CDH13: variants seen among roughly 807,000 people sequenced by gnomAD.
CDH13 encodes the protein cadherin-13.
Under a neutral mutation model 63.8 loss-of-function variants are expected in CDH13, and 24 were observed. The observed-to-expected ratio is 0.38, with a 90% CI of 0.27 to 0.53. CDH13 has a LOEUF of 0.53. CDH13 is among the 20% of genes least tolerant of loss of function. The pLI is 0.85. For synonymous variants in CDH13, 503 were observed against 355.3 expected, an observed-to-expected ratio of 1.42 and a Z score of -4.67; for missense variants, 1,049 against 903.1, an observed-to-expected ratio of 1.16 and a Z score of -2.07.
At chr16:83,727,138 C>T (rs1417260488) in intron 10 of CDH13, among the ~76,000 whole-genome samples, 2 of 152,098 alleles carry the variant, frequency 1.3e-5, no homozygotes, top group African/African-American at 4.8e-5. Context: ...ACATTTTCAG[C>T]ACCCTAAAGA....
intron 1 of CDH13, among the ~76,000 whole-genome samples, chr16:82,787,659 C>T (rs1281620170): frequency 6.6e-6 from 1 of 152,092 alleles, no homozygotes; most frequent in Non-Finnish European, 1.5e-5. Flanking sequence ...CCTAGGTTGC[C>T]CAGAGAGGTG....
At chr16:82,881,588 G>C (rs1358411155) in intron 2 of CDH13, among the ~76,000 whole-genome samples, 1 of 152,198 alleles carries the variant, frequency 6.6e-6, no homozygotes, top group Non-Finnish European at 1.5e-5. Flanking sequence ...GGTGAAGGCT[G>C]TCTGCAGAAC....
chr16:82,864,485 C>T (rs562874618), intron 2 of CDH13, among the ~76,000 whole-genome samples: 1 of 152,210 alleles, frequency 6.6e-6, no homozygotes, highest in Admixed American at 6.5e-5. Flanking sequence ...GCACCTTCTT[C>T]AGAAGGTGGC....
At chr16:83,373,217 A>G (rs957907862) in intron 6 of CDH13, among the ~76,000 whole-genome samples, 10 of 152,224 alleles carry the variant, frequency 6.6e-5, no homozygotes, top group Non-Finnish European at 1.2e-4. Flanking sequence ...AAACTAGGAC[A>G]GTTGTAGGAG....
chr16:82,792,309 G>T (rs190908430), intron 1 of CDH13, among the ~76,000 whole-genome samples: 10 of 152,146 alleles, frequency 6.6e-5, no homozygotes, highest in African/African-American at 2.4e-4. Context: ...ACCCTTTCTC[G>T]CTTGCTTGGA....
intron 6 of CDH13, among the ~76,000 whole-genome samples, chr16:83,417,521 G>T (rs545220761): frequency 7.2e-5 from 11 of 152,124 alleles, no homozygotes; most frequent in Admixed American, 6.5e-4. Flanking sequence ...AATTTATCCT[G>T]CTCACTGACA....
chr16:83,425,412 A>C (rs1328469041), intron 6 of CDH13, among the ~76,000 whole-genome samples: 1 of 152,244 alleles, frequency 6.6e-6, no homozygotes, highest in Non-Finnish European at 1.5e-5. Flanking sequence ...CCAGCCACTT[A>C]CCTGCTGCGT....
At chr16:83,780,242 T>C in intron 12 of CDH13, 41 bp downstream of exon 12, 2 of 1,336,732 alleles carry the variant, frequency 1.5e-6, no homozygotes, top group Non-Finnish European at 2.1e-6. Flanking sequence ...CTTCCAGCTT[T>C]CAGTTTATTT....
In CDH13 at chr16:83,668,883, T is replaced by G. The variant is rs115294464; in HGVS notation, c.1102-1907T>G. Among the ~76,000 whole-genome samples, 1,224 of 152,322 alleles carry G rather than the reference T, an allele frequency of 8.0e-3. 21 individuals are homozygous for G. Among genetic ancestry groups the G allele is most frequent in the African/African-American group, 0.028 (1,179 of 41,566 alleles). On this transcript the variant is annotated intron_variant, in intron 8 of 13. Transcript: ENST00000567109. ...AGCATTAATTGATCACAGCATTCTTTCCTGCTGAGCCCAGATGTACTGCAG... is the reference window on the plus strand; with the variant it reads ...AGCATTAATTGATCACAGCATTCTTGCCTGCTGAGCCCAGATGTACTGCAG...
At chr16:82,678,923 G>A (rs1914238098) in intron 1 of CDH13, among the ~76,000 whole-genome samples, 1 of 152,148 alleles carries the variant, frequency 6.6e-6, no homozygotes, top group African/African-American at 2.4e-5. Flanking sequence ...GGGACTGTGT[G>A]GTTCCAGGAG....
intron 11 of CDH13, chr16:83,772,916 G>A (rs544992896): frequency 6.6e-6 from 1 of 152,232 alleles, no homozygotes. Flanking sequence ...CTTTATTCAA[G>A]GCTACAATAA....
At chr16:83,418,787 C>G (rs1472010) in intron 6 of CDH13, among the ~76,000 whole-genome samples, 2 of 152,152 alleles carry the variant, frequency 1.3e-5, no homozygotes, top group Non-Finnish European at 2.9e-5. Flanking sequence ...GCAGGAAAGA[C>G]AGGAGAAGAC....
intron 11 of CDH13, among the ~76,000 whole-genome samples, chr16:83,779,406 C>CAAAAAAAA (rs144757645): frequency 1.3e-4 from 11 of 82,574 alleles, no homozygotes; most frequent in South Asian, 4.6e-4. Flanking sequence ...GACTCCATCT[C>CAAAAAAAA]AAAAAAAAAA....
At chr16:83,545,773 G>C (rs796146727) in intron 7 of CDH13, among the ~76,000 whole-genome samples, 4 of 152,194 alleles carry the variant, frequency 2.6e-5, no homozygotes, top group African/African-American at 9.6e-5. Context: ...TATCTGCCAG[G>C]CTAAGTCCAA....
chr16:82,657,608 A>G (rs1242776285), intron 1 of CDH13, among the ~76,000 whole-genome samples: 1 of 152,194 alleles, frequency 6.6e-6, no homozygotes, highest in Non-Finnish European at 1.5e-5. Flanking sequence ...AACCTTGGAG[A>G]AAGAGAGACT....
chr16:82,928,525 T>A (rs2042378167), intron 2 of CDH13, among the ~76,000 whole-genome samples: 1 of 152,246 alleles, frequency 6.6e-6, no homozygotes, highest in African/African-American at 2.4e-5. Context: ...CCTTACTCAA[T>A]ATCTGCCAAT....
chr16:83,463,416 C>G (rs954254561), intron 6 of CDH13, among the ~76,000 whole-genome samples: 1 of 152,184 alleles, frequency 6.6e-6, no homozygotes, highest in Non-Finnish European at 1.5e-5. Flanking sequence ...TTCAGGCTGA[C>G]AGAGTGGCCA....
chr16:82,631,770 C>G (rs1204604719), intron 1 of CDH13, among the ~76,000 whole-genome samples: 4 of 152,164 alleles, frequency 2.6e-5, no homozygotes, highest in Non-Finnish European at 5.9e-5. Context: ...AGAGAGGCAG[C>G]TTGGGGGAAG....
At chr16:82,793,256 A>G (rs1223690640) in intron 1 of CDH13, among the ~76,000 whole-genome samples, 1 of 152,182 alleles carries the variant, frequency 6.6e-6, no homozygotes, top group Admixed American at 6.5e-5. Context: ...CTGTGAGAAG[A>G]CAAGGTGTGC....
Sources: allele counts gnomAD v4.1 joint callset (sites outside exome capture counted in the v4.1 genomes callset), GRCh38; gene constraint gnomAD v4.1.1; transcripts MANE v1.5; gene names NCBI Gene and HGNC (gene_info 2026-07-23, HGNC 2026-07-21).